Variants in SENP1 observed in about 807,000 individuals in gnomAD.
SENP1 encodes the protein sentrin-specific protease 1.
In SENP1, 21 loss-of-function variants were observed where a neutral mutation model predicts 93.0. The ratio of observed to expected loss-of-function variants is 0.23; its 90% CI spans 0.16 to 0.33. The LOEUF (loss-of-function observed/expected upper bound fraction) is 0.33. Among genes scored for constraint, SENP1 ranks in the 10% least tolerant of loss-of-function variants. SENP1 has a pLI of 1.00. For missense variants in SENP1, 591 were observed against 758.7 expected (o/e 0.78, Z 2.60); for synonymous variants, 256 against 259.6 (o/e 0.99, Z 0.13).
intron 5 of SENP1, among the ~76,000 whole-genome samples, chr12:48,086,276 C>A (rs1000573673): frequency 4.6e-5 from 7 of 152,060 alleles, no homozygotes; most frequent in Admixed American, 1.3e-4. Context: ...ACTCTAATAG[C>A]CCCAGCTAAG....
chr12:48,074,753 A>C lies in SENP1; in HGVS notation c.593T>G (p.Leu198Arg). ...EEEREIYRQL[L>R]QMVTGKQFTI... ...AAACTGTTTCCCTGTGACCATCTGTAGCAGCTGTCTGTAAATCTCTCTTTC... is the reference window on the plus strand; with the variant it reads ...AAACTGTTTCCCTGTGACCATCTGTCGCAGCTGTCTGTAAATCTCTCTTTC... The change falls in exon 7 of 18, where the codon CTA becomes CGA. Residue 198 changes from leucine (L) to arginine (R), a missense_variant. Coordinates refer to ENST00000549518, the MANE Select transcript of SENP1 (RefSeq NM_001267594.2). The C allele has an allele frequency of 6.2e-7, 1 of 1,613,244 alleles. No individual in the cohort carries two copies.
intron 1 of SENP1, among the ~76,000 whole-genome samples, chr12:48,103,070 T>C (rs761102254): frequency 2.6e-5 from 4 of 152,182 alleles, no homozygotes; most frequent in African/African-American, 9.7e-5. Flanking sequence ...TCAACTAATA[T>C]ATTAGCAACA....
intron 6 of SENP1, among the ~76,000 whole-genome samples, chr12:48,079,594 ACCTGAAAAAAC>A (rs1840654096): frequency 6.6e-6 from 1 of 152,212 alleles, no homozygotes; most frequent in South Asian, 2.1e-4. Flanking sequence ...ACGTTTTAAA[ACCTGAAAAAAC>A]CCTAAGACGA....
At chr12:48,079,807 A>G (rs1435750004) in intron 6 of SENP1, among the ~76,000 whole-genome samples, 1 of 152,198 alleles carries the variant, frequency 6.6e-6, no homozygotes, top group African/African-American at 2.4e-5. Flanking sequence ...AATTACCACC[A>G]ATAACTTTAT....
intron 13 of SENP1, 59 bp from the exon 14 acceptor site, chr12:48,049,191 T>C: frequency 4.6e-6 from 6 of 1,314,320 alleles, no homozygotes; most frequent in Middle Eastern, 1.8e-4. Flanking sequence ...TTCAAAATAG[T>C]TGCAGTTGCT....
intron 13 of SENP1, chr12:48,054,869 T>C (rs73301136): frequency 0.028 from 4,346 of 152,534 alleles, 205 homozygotes; most frequent in African/African-American, 0.098. Flanking sequence ...CACATATATG[T>C]AATACAGATA....
chr12:48,080,495 A>G (rs539092127), intron 6 of SENP1: 1 of 152,472 alleles, frequency 6.6e-6, no homozygotes, highest in Non-Finnish European at 1.5e-5. Context: ...AGAAGACTTC[A>G]TATTCCTGAA....
At chr12:48,070,327 A>G (rs769440391) in intron 9 of SENP1, among the ~76,000 whole-genome samples, 2 of 152,070 alleles carry the variant, frequency 1.3e-5, no homozygotes, top group Middle Eastern at 3.2e-3. Flanking sequence ...TTTATCAGAG[A>G]CTTTCCATGA....
chr12:48,048,865 ACCCTC>A (rs1189303684), intron 14 of SENP1, 59 bp downstream of exon 14: 1 of 1,245,518 alleles, frequency 8.0e-7, no homozygotes, highest in African/African-American at 1.5e-5. Flanking sequence ...ACTACTCACT[ACCCTC>A]TGTGTGTTCT....
intron 4 of SENP1, among the ~76,000 whole-genome samples, chr12:48,090,215 A>C (rs1945132389): frequency 1.3e-5 from 2 of 152,250 alleles, no homozygotes; most frequent in South Asian, 4.1e-4. Flanking sequence ...AATGAAAATG[A>C]GTCTTAGTAA....
At chr12:48,083,415 CT>C (rs1944625082) in intron 6 of SENP1, among the ~76,000 whole-genome samples, 175 bp downstream of exon 6, 1 of 152,154 alleles carries the variant, frequency 6.6e-6, no homozygotes, top group Non-Finnish European at 1.5e-5. Flanking sequence ...GCTAAAACAC[CT>C]CTTTAATCTC....
intron 8 of SENP1, among the ~76,000 whole-genome samples, 186 bp downstream of exon 8, chr12:48,074,138 G>C (rs1943901909): frequency 6.6e-6 from 1 of 152,152 alleles, no homozygotes; most frequent in Non-Finnish European, 1.5e-5. Flanking sequence ...ATGCTCCACT[G>C]AGCATTTCCT....
At chr12:48,049,257 C>T (rs1373148101) in intron 13 of SENP1, 125 bp from the exon 14 acceptor site, 5 of 699,230 alleles carry the variant, frequency 7.2e-6, no homozygotes, top group Non-Finnish European at 1.2e-5. Context: ...TCTTCAACAT[C>T]CAACAGATTC....
At position 48,071,648 on chromosome 12, in the gene SENP1, A is replaced by C; in HGVS notation, c.995+19T>G. ...TATATTAATTAATTAATAAAGAACA[A>C]GCTTTTTCCAAAGTTTACCTGGGAG... On this transcript the variant is annotated intron_variant, in intron 9 of 17. Coordinates refer to ENST00000549518, the MANE Select transcript of SENP1 (RefSeq NM_001267594.2). 6.4e-7 allele frequency: 1 copy of C among 1,551,306 alleles called. No homozygotes were observed. Among genetic ancestry groups the C allele is most frequent in the Non-Finnish European group, 8.9e-7 (1 of 1,125,564 alleles).
At chr12:48,103,291 C>A (rs1946078650) in intron 1 of SENP1, among the ~76,000 whole-genome samples, 1 of 152,068 alleles carries the variant, frequency 6.6e-6, no homozygotes, top group African/African-American at 2.4e-5. Flanking sequence ...AAGTGACTTC[C>A]CTGAAATCAC....
chr12:48,095,311 CG>C (rs1945484441), intron 4 of SENP1, among the ~76,000 whole-genome samples: 1 of 151,916 alleles, frequency 6.6e-6, no homozygotes, highest in Non-Finnish European at 1.5e-5. Flanking sequence ...GGGAGCCAGG[CG>C]GATCACTTGA....
At chr12:48,099,685 G>A (rs372423289) in intron 2 of SENP1, among the ~76,000 whole-genome samples, 1 of 152,136 alleles carries the variant, frequency 6.6e-6, no homozygotes. Flanking sequence ...AGTGGCACAT[G>A]CCTGTAATCC....
chr12:48,099,829 C>T (rs1945802271), intron 2 of SENP1, among the ~76,000 whole-genome samples: 1 of 152,120 alleles, frequency 6.6e-6, no homozygotes, highest in African/African-American at 2.4e-5. Context: ...AATAATCTGC[C>T]TGAACATTTT....
chr12:48,103,211 T>C (rs1352008051), intron 1 of SENP1, among the ~76,000 whole-genome samples: 1 of 152,204 alleles, frequency 6.6e-6, no homozygotes, highest in African/African-American at 2.4e-5. Context: ...TTGCATTTTG[T>C]TGGGATAGAT....
Sources: gnomAD v4.1 joint callset for allele counts (sites outside exome capture counted in the v4.1 genomes callset) on GRCh38, gnomAD v4.1.1 for gene constraint, MANE v1.5 for transcripts, NCBI Gene and HGNC (gene_info 2026-07-23, HGNC 2026-07-21) for gene names.